ERC2: variants seen among roughly 807,000 people sequenced by gnomAD.
ERC2 encodes ERC protein 2.
Under a neutral mutation model 114.8 loss-of-function variants are expected in ERC2, and 42 were observed. That is an observed-to-expected ratio of 0.37 (90% CI 0.29 to 0.47). The LOEUF (loss-of-function observed/expected upper bound fraction) is 0.47, where lower values mean the gene tolerates loss of function less well. ERC2 is among the 20% of genes least tolerant of loss of function. The pLI is 0.99. For synonymous variants in ERC2, 454 were observed against 425.5 expected (o/e 1.07, Z -0.82); for missense variants, 939 against 1,150.7 (o/e 0.82, Z 2.66).
intron 14 of ERC2, among the ~76,000 whole-genome samples, chr3:55,885,769 T>C (rs559050433): frequency 6.6e-6 from 1 of 152,316 alleles, no homozygotes; most frequent in Admixed American, 6.5e-5. Context: ...TTTGCATACA[T>C]ATATCATTTT....
chr3:55,562,812 A>T (rs1005776908), intron 17 of ERC2, among the ~76,000 whole-genome samples: 4 of 152,132 alleles, frequency 2.6e-5, no homozygotes, highest in African/African-American at 7.2e-5. Context: ...CTGTGTTTAA[A>T]TTTTTTTGTT....
chr3:55,712,261 G>T (rs2063815519), intron 15 of ERC2, among the ~76,000 whole-genome samples: 3 of 152,164 alleles, frequency 2.0e-5, no homozygotes, highest in South Asian at 4.1e-4. Context: ...GTGAAGGTGG[G>T]AAGAGGGCAC....
At chr3:55,750,865 T>C (rs1032825400) in intron 14 of ERC2, among the ~76,000 whole-genome samples, 1 of 152,218 alleles carries the variant, frequency 6.6e-6, no homozygotes, top group Admixed American at 6.5e-5. Flanking sequence ...TATGTGTAAG[T>C]TGTTTTCTGG....
intron 6 of ERC2, among the ~76,000 whole-genome samples, chr3:56,115,972 T>C (rs371622267): frequency 2.6e-4 from 39 of 152,306 alleles, no homozygotes; most frequent in African/African-American, 8.9e-4. Context: ...ATTGAGATTA[T>C]TCAAACGAGC....
chr3:55,841,027 G>C (rs1465196323), intron 14 of ERC2, among the ~76,000 whole-genome samples: 3 of 152,098 alleles, frequency 2.0e-5, no homozygotes, highest in Non-Finnish European at 4.4e-5. Context: ...TAATGGATAT[G>C]TTCATTAACC....
chr3:56,134,829 C>T (rs772362205), intron 6 of ERC2, among the ~76,000 whole-genome samples: 31 of 152,024 alleles, frequency 2.0e-4, no homozygotes, highest in Non-Finnish European at 3.5e-4. Context: ...AAAACACATG[C>T]AAAAATGTTG....
chr3:55,947,450 C>G (rs948061104), intron 13 of ERC2, among the ~76,000 whole-genome samples: 2 of 152,230 alleles, frequency 1.3e-5, no homozygotes, highest in African/African-American at 4.8e-5. Context: ...GTCAAGTGAA[C>G]TTTTCCAATC....
intron 3 of ERC2, among the ~76,000 whole-genome samples, chr3:56,282,144 T>C (rs1212038643): frequency 6.6e-6 from 1 of 152,198 alleles, no homozygotes; most frequent in South Asian, 2.1e-4. Flanking sequence ...CAGAGAAAAC[T>C]GCTGATTAAA....
chr3:56,127,246 C>T (rs938642573), intron 6 of ERC2, among the ~76,000 whole-genome samples: 1 of 152,072 alleles, frequency 6.6e-6, no homozygotes, highest in Non-Finnish European at 1.5e-5. Context: ...TCCATACTAC[C>T]CAAAGCTAAC....
intron 1 of ERC2, among the ~76,000 whole-genome samples, chr3:56,437,616 T>G (rs570671818): frequency 6.6e-6 from 1 of 152,222 alleles, no homozygotes; most frequent in African/African-American, 2.4e-5. Context: ...TGTTTCTAAC[T>G]AAAGAACTTC....
chr3:55,942,619 G>T (rs1169066506), intron 13 of ERC2, among the ~76,000 whole-genome samples: 1 of 151,862 alleles, frequency 6.6e-6, no homozygotes, highest in Non-Finnish European at 1.5e-5. Context: ...TTTCTAGTAA[G>T]AAAAACTTAT....
chr3:55,724,399 C>T lies in ERC2; in HGVS notation c.2712+10372G>A, dbSNP rs577521635. On this transcript the variant is annotated intron_variant, in intron 15 of 17. Transcript: ENST00000288221. ...GCCTCAAGTTTACAGGGGCTAAGAC[C>T]TAACTGAAGTATTGCACCAATTCAG... is the stretch of plus-strand genomic sequence containing the variant. Among the ~76,000 whole-genome samples, 5 of 152,256 alleles carry T rather than the reference C, an allele frequency of 3.3e-5. No individual in the cohort carries two copies. In the South Asian group the frequency reaches 1.0e-3, roughly 32 times the overall value.
intron 1 of ERC2, among the ~76,000 whole-genome samples, chr3:56,440,856 A>G (rs1299675125): frequency 2.0e-5 from 3 of 152,182 alleles, no homozygotes; most frequent in Non-Finnish European, 4.4e-5. Context: ...AGATGCCACA[A>G]AGTATTTTTA....
At chr3:55,991,189 C>A (rs545553682) in intron 11 of ERC2, among the ~76,000 whole-genome samples, 1 of 152,256 alleles carries the variant, frequency 6.6e-6, no homozygotes, top group African/African-American at 2.4e-5. Context: ...TCCTTTAGGG[C>A]CTCACAAGTG....
chr3:56,151,741 C>CAT (rs1331092078), intron 4 of ERC2, among the ~76,000 whole-genome samples: 12 of 152,102 alleles, frequency 7.9e-5, no homozygotes, highest in African/African-American at 2.9e-4. Context: ...TATGGAAGTC[C>CAT]ATATCAAGTC....
At chr3:56,106,526 T>G (rs957060340) in intron 6 of ERC2, among the ~76,000 whole-genome samples, 1 of 152,206 alleles carries the variant, frequency 6.6e-6, no homozygotes, top group South Asian at 2.1e-4. Flanking sequence ...CTTTCTGGAC[T>G]CTGGGGACAA....
intron 14 of ERC2, among the ~76,000 whole-genome samples, chr3:55,794,516 CTT>C (rs1391230978): frequency 6.6e-6 from 1 of 152,074 alleles, no homozygotes; most frequent in Non-Finnish European, 1.5e-5. Flanking sequence ...ACTTCAAGTC[CTT>C]TTTGGAAAAC....
chr3:56,439,804 T>C (rs1328538982), intron 1 of ERC2, among the ~76,000 whole-genome samples: 1 of 152,132 alleles, frequency 6.6e-6, no homozygotes, highest in Non-Finnish European at 1.5e-5. Flanking sequence ...CATTTCCTAA[T>C]GAATGCATAT....
intron 13 of ERC2, among the ~76,000 whole-genome samples, chr3:55,934,553 A>G (rs1330774577): frequency 6.6e-6 from 1 of 152,222 alleles, no homozygotes; most frequent in Non-Finnish European, 1.5e-5. Context: ...GTGAAGTGCT[A>G]GAAGAAGGAA....
Sources: allele counts gnomAD v4.1 joint callset (sites outside exome capture counted in the v4.1 genomes callset), GRCh38; gene constraint gnomAD v4.1.1; transcripts MANE v1.5; gene names NCBI Gene and HGNC (gene_info 2026-07-23, HGNC 2026-07-21).